The following CARMIL1 variants were observed in gnomAD, a reference collection of about 807,000 sequenced individuals.
CARMIL1 encodes the protein capping protein regulator and myosin 1 linker 1.
CARMIL1 carries 90 observed loss-of-function variants against 177.1 expected under a neutral mutation model. The ratio of observed to expected loss-of-function variants is 0.51; its 90% CI spans 0.43 to 0.61. The LOEUF (loss-of-function observed/expected upper bound fraction) is 0.61, where lower values mean the gene tolerates loss of function less well. CARMIL1 is among the 20% of genes least tolerant of loss of function. The pLI is 0.00. For missense variants in CARMIL1, 1,380 were observed against 1,667.0 expected (o/e 0.83, Z 3.00); for synonymous variants, 577 against 606.2 (o/e 0.95, Z 0.71).
At chr6:25,491,488 A>C (rs1212958680) in intron 13 of CARMIL1, among the ~76,000 whole-genome samples, 4 of 152,242 alleles carry the variant, frequency 2.6e-5, no homozygotes, top group African/African-American at 9.6e-5. Context: ...ATGCATAACA[A>C]AATGGGGGTT....
At chr6:25,372,835 A>C (rs1790557248) in intron 2 of CARMIL1, among the ~76,000 whole-genome samples, 1 of 152,186 alleles carries the variant, frequency 6.6e-6, no homozygotes, top group African/African-American at 2.4e-5. Flanking sequence ...TCTGAAGGGC[A>C]ATGGTTTCAA....
At chr6:25,462,375 C>T (rs1303182319) in intron 8 of CARMIL1, among the ~76,000 whole-genome samples, 2 of 152,144 alleles carry the variant, frequency 1.3e-5, no homozygotes, top group Non-Finnish European at 2.9e-5. Flanking sequence ...TTTATATGCA[C>T]ACATAGTATT....
chr6:25,600,763 T>G lies in CARMIL1; in HGVS notation c.3552+17T>G, dbSNP rs555487429. On this transcript the variant is annotated intron_variant, in intron 33 of 36. Transcript: ENST00000329474. ...GCGCAGAAGGTAAGGGTGGACCTATTTTTAATTCATTCATTTATTTGATAT... is the reference window on the plus strand; with the variant it reads ...GCGCAGAAGGTAAGGGTGGACCTATGTTTAATTCATTCATTTATTTGATAT... 1.4e-6 allele frequency: 2 copies of G among 1,458,736 alleles called. No homozygotes were observed. The highest frequency in any genetic ancestry group is 1.4e-5 in the African/African-American group (1 of 70,082). The allele number at this position is 1,458,736 out of a possible 1,614,324, so 90.4% of individuals were successfully genotyped here. A position where few individuals can be genotyped will look rare whatever the true frequency, so the allele number is the denominator to read the frequency against.
chr6:25,616,855 T>A (rs1759305726), intron 36 of CARMIL1, among the ~76,000 whole-genome samples: 1 of 152,200 alleles, frequency 6.6e-6, no homozygotes, highest in Non-Finnish European at 1.5e-5. Context: ...GAACAAATGC[T>A]TTGACCTTCA....
intron 2 of CARMIL1, among the ~76,000 whole-genome samples, chr6:25,410,166 A>G (rs773313691): frequency 9.2e-5 from 14 of 151,856 alleles, no homozygotes; most frequent in Admixed American, 2.6e-4. Flanking sequence ...AGGAAAGAAA[A>G]TATGTATTTT....
chr6:25,613,022 G>T (rs1159505145), intron 36 of CARMIL1: 1 of 445,304 alleles, frequency 2.2e-6, no homozygotes, highest in Non-Finnish European at 3.0e-6. Flanking sequence ...TTTTGGTTTT[G>T]TTTTTTTCTA....
At chr6:25,590,197 T>A (rs1814158292) in intron 31 of CARMIL1, among the ~76,000 whole-genome samples, 1 of 152,256 alleles carries the variant, frequency 6.6e-6, no homozygotes, top group Non-Finnish European at 1.5e-5. Context: ...ACTTTTCTTC[T>A]ATTTTGCTAA....
At chr6:25,382,048 G>A (rs1791603104) in intron 2 of CARMIL1, among the ~76,000 whole-genome samples, 1 of 152,080 alleles carries the variant, frequency 6.6e-6, no homozygotes, top group Non-Finnish European at 1.5e-5. Flanking sequence ...CTATTGCCCA[G>A]GAGATTCCAA....
chr6:25,472,120 A>ATT lies in CARMIL1; in HGVS notation c.780-294_780-293dup, dbSNP rs773626063. ...TCATGAAAAGCAGGTTCAATCCAGG[A>ATT]TTTTTTTTTTTTTTAAATTATGGAG... is the stretch of plus-strand genomic sequence containing the variant. On this transcript the variant is annotated intron_variant, in intron 10 of 36. Transcript: ENST00000329474. 5.5e-5 allele frequency among the ~76,000 whole-genome samples: 8 copies of ATT among 145,724 alleles called. No individual in the cohort carries two copies. In the South Asian group the frequency reaches 6.6e-4, roughly 12 times the overall value.
At chr6:25,532,079 C>A (rs1807814688) in intron 24 of CARMIL1, among the ~76,000 whole-genome samples, 2 of 150,848 alleles carry the variant, frequency 1.3e-5, no homozygotes, top group South Asian at 4.2e-4. Flanking sequence ...CCCAAGACTT[C>A]TTTTCTTTTC....
At chr6:25,331,316 C>A (rs1051938199) in intron 2 of CARMIL1, among the ~76,000 whole-genome samples, 4 of 152,196 alleles carry the variant, frequency 2.6e-5, no homozygotes. Context: ...GAAAGGATTG[C>A]CTGTTCCTGA....
chr6:25,391,783 G>A (rs561502625), intron 2 of CARMIL1, among the ~76,000 whole-genome samples: 2 of 152,310 alleles, frequency 1.3e-5, no homozygotes, highest in South Asian at 2.1e-4. Context: ...TAGAGGCATG[G>A]TGGATTGTCC....
intron 29 of CARMIL1, among the ~76,000 whole-genome samples, chr6:25,575,557 G>A (rs925445121): frequency 6.6e-6 from 1 of 152,134 alleles, no homozygotes; most frequent in Non-Finnish European, 1.5e-5. Flanking sequence ...AAGCTTCTGA[G>A]GGCTATGTGT....
At chr6:25,516,736 T>C (rs906567748) in intron 21 of CARMIL1, among the ~76,000 whole-genome samples, 1 of 152,188 alleles carries the variant, frequency 6.6e-6, no homozygotes, top group African/African-American at 2.4e-5. Flanking sequence ...GTAATATTTT[T>C]CTCCCCAAAT....
chr6:25,565,153 A>C (rs1293150085), intron 29 of CARMIL1, among the ~76,000 whole-genome samples: 1 of 152,224 alleles, frequency 6.6e-6, no homozygotes, highest in African/African-American at 2.4e-5. Context: ...AACTAGTATA[A>C]ATTGAGGAAC....
At chr6:25,467,082 T>C (rs993511283) in intron 9 of CARMIL1, among the ~76,000 whole-genome samples, 1 of 152,180 alleles carries the variant, frequency 6.6e-6, no homozygotes, top group Non-Finnish European at 1.5e-5. Context: ...AATAAGTAGA[T>C]GTCTAATAAG....
Position 25,492,874 on chromosome 6 carries a change from T to C in CARMIL1, c.1220+850T>C, listed in dbSNP as rs535379963. Among the ~76,000 whole-genome samples the C allele has an allele frequency of 4.6e-5, 7 of 152,316 alleles. No individual in the cohort carries two copies. The South Asian group carries it at 1.5e-3, about 32-fold the overall frequency. On this transcript the variant is annotated intron_variant, in intron 15 of 36. Coordinates refer to ENST00000329474, the MANE Select transcript of CARMIL1 (RefSeq NM_017640.6). ...TTGTATGTTAAAGTACTATTTTTTA[T>C]TACTTCAATAGTGATTAAATCTTTA...
At chr6:25,372,845 A>G (rs148636161) in intron 2 of CARMIL1, among the ~76,000 whole-genome samples, 56 of 152,212 alleles carry the variant, frequency 3.7e-4, no homozygotes, top group Admixed American at 8.5e-4. Flanking sequence ...AATGGTTTCA[A>G]CTTTTCCCCT....
At chr6:25,462,003 T>G (rs770733888) in intron 8 of CARMIL1, among the ~76,000 whole-genome samples, 31 of 152,184 alleles carry the variant, frequency 2.0e-4, no homozygotes, top group Non-Finnish European at 4.3e-4. Context: ...TTTAGATCTT[T>G]TGCTCATTTA....
Sources: allele counts gnomAD v4.1 joint callset (sites outside exome capture counted in the v4.1 genomes callset), GRCh38; gene constraint gnomAD v4.1.1; transcripts MANE v1.5; gene names NCBI Gene and HGNC (gene_info 2026-07-23, HGNC 2026-07-21).